The following DGKB variants were observed in gnomAD, a reference collection of about 807,000 sequenced individuals.
The protein encoded by DGKB is diacylglycerol kinase beta.
A neutral mutation model predicts 114.3 loss-of-function variants in DGKB; 67 were observed. That is an observed-to-expected ratio of 0.59 (90% CI 0.48 to 0.72). The LOEUF is 0.72. Among genes scored for constraint, DGKB ranks in the 30% least tolerant of loss-of-function variants. The probability of loss-of-function intolerance (pLI) is 0.00; values close to 1 mark genes in which losing one functional copy is unlikely to be tolerated. For missense variants in DGKB, 907 were observed against 975.2 expected (o/e 0.93, Z 0.93); for synonymous variants, 398 against 323.1 (o/e 1.23, Z -2.49).
At chr7:14,592,706 C>A (rs1801903649) in intron 17 of DGKB, among the ~76,000 whole-genome samples, 1 of 151,286 alleles carries the variant, frequency 6.6e-6, no homozygotes, top group African/African-American at 2.4e-5. Context: ...TATTTATGCT[C>A]CCTAAAGTTT....
chr7:14,447,543 T>G (rs958964263), intron 21 of DGKB, among the ~76,000 whole-genome samples: 5 of 152,146 alleles, frequency 3.3e-5, no homozygotes, highest in African/African-American at 1.2e-4. Flanking sequence ...AGATATTTAT[T>G]TTTAAGTTAG....
chr7:14,749,767 A>G (rs557700429), intron 4 of DGKB, among the ~76,000 whole-genome samples: 53 of 152,316 alleles, frequency 3.5e-4, no homozygotes, highest in Non-Finnish European at 6.5e-4. Flanking sequence ...CTTGAAAAAT[A>G]AAACCCAATA....
intron 20 of DGKB, among the ~76,000 whole-genome samples, chr7:14,551,951 G>C (rs1795162933): frequency 6.6e-6 from 1 of 151,858 alleles, no homozygotes; most frequent in South Asian, 2.1e-4. Context: ...TTGTGGATTT[G>C]GTTTATTAAG....
chr7:14,481,954 A>G (rs995811764), intron 20 of DGKB, among the ~76,000 whole-genome samples: 1 of 152,132 alleles, frequency 6.6e-6, no homozygotes, highest in East Asian at 1.9e-4. Flanking sequence ...AATAACAACA[A>G]TCTTTTCCTA....
At chr7:14,757,917 A>T (rs559015986) in intron 2 of DGKB, among the ~76,000 whole-genome samples, 186 bp from the exon 3 acceptor site, 4 of 152,288 alleles carry the variant, frequency 2.6e-5, no homozygotes, top group Non-Finnish European at 5.9e-5. Flanking sequence ...ATTGCAAAGG[A>T]GCAAAAAGAT....
At chr7:14,345,429 C>T (rs1812321726) in intron 21 of DGKB, 38 bp from the exon 22 acceptor site, 1 of 1,088,394 alleles carries the variant, frequency 9.2e-7, no homozygotes, top group South Asian at 1.4e-5. Context: ...AGGCAATTAT[C>T]AATAACAGAG....
chr7:14,850,785 C>T (rs1291780331), intron 1 of DGKB, among the ~76,000 whole-genome samples: 2 of 152,152 alleles, frequency 1.3e-5, no homozygotes, highest in African/African-American at 4.8e-5. Context: ...AGAGCTACAA[C>T]AATCAGCTTC....
At chr7:14,592,758 C>G (rs941375337) in intron 17 of DGKB, among the ~76,000 whole-genome samples, 3 of 151,540 alleles carry the variant, frequency 2.0e-5, no homozygotes, top group Admixed American at 1.3e-4. Context: ...AAGGTTATTT[C>G]ATGTTTTTCT....
intron 12 of DGKB, among the ~76,000 whole-genome samples, chr7:14,678,975 C>T (rs928903104): frequency 6.6e-6 from 1 of 151,828 alleles, no homozygotes. Flanking sequence ...ATGACAATAC[C>T]AGGTCTGATA....
intron 23 of DGKB, among the ~76,000 whole-genome samples, chr7:14,226,763 G>A (rs1317798115): frequency 6.6e-6 from 1 of 151,910 alleles, no homozygotes; most frequent in Non-Finnish European, 1.5e-5. Flanking sequence ...TACATGAAAT[G>A]AATCAATTAT....
intron 16 of DGKB, among the ~76,000 whole-genome samples, chr7:14,611,489 G>C (rs942285025): frequency 1.3e-5 from 2 of 152,046 alleles, no homozygotes; most frequent in Non-Finnish European, 2.9e-5. Flanking sequence ...ACACTGAACG[G>C]GATCACCTTG....
intron 3 of DGKB, among the ~76,000 whole-genome samples, chr7:14,754,776 A>C (rs1834627723): frequency 6.6e-6 from 1 of 151,686 alleles, no homozygotes; most frequent in South Asian, 2.1e-4. Context: ...GGCTAATAAG[A>C]CTCTCTCCCC....
chr7:14,490,283 AT>A (rs1784421663), intron 20 of DGKB, among the ~76,000 whole-genome samples: 1 of 152,192 alleles, frequency 6.6e-6, no homozygotes, highest in African/African-American at 2.4e-5. Context: ...TAGCTTATGA[AT>A]TCCAAAGAGA....
At chr7:14,760,134 G>C (rs1835472495) in intron 2 of DGKB, among the ~76,000 whole-genome samples, 1 of 151,984 alleles carries the variant, frequency 6.6e-6, no homozygotes, top group African/African-American at 2.4e-5. Flanking sequence ...CATCCTCTGG[G>C]GGGTGTGTGT....
chr7:14,245,179 C>G (rs74912076), intron 23 of DGKB, among the ~76,000 whole-genome samples: 248 of 152,126 alleles, frequency 1.6e-3, no homozygotes, highest in East Asian at 0.013. Flanking sequence ...CACACACACA[C>G]ACACACGCAC....
At position 14,587,448 on chromosome 7, in the gene DGKB, T is replaced by C. The variant is rs143500269; in HGVS notation, c.1434-4311A>G. Among the ~76,000 whole-genome samples, 603 of 152,226 alleles carry C rather than the reference T, an allele frequency of 4.0e-3. 6 individuals are homozygous for C. The highest frequency in any genetic ancestry group is 0.014 in the African/African-American group (567 of 41,566). On this transcript the variant is annotated intron_variant, in intron 17 of 25. Transcript: ENST00000402815. ...CTCCTAGTAAAGATGCTGTGAACACTGTCGAAATGGTAACAAAGGATTTAG... is the reference window on the plus strand; with the variant it reads ...CTCCTAGTAAAGATGCTGTGAACACCGTCGAAATGGTAACAAAGGATTTAG...
chr7:14,645,978 C>A (rs1399683270), intron 13 of DGKB, among the ~76,000 whole-genome samples: 2 of 152,062 alleles, frequency 1.3e-5, no homozygotes, highest in Non-Finnish European at 2.9e-5. Context: ...AAAACAAATA[C>A]AAAACAATCA....
intron 23 of DGKB, among the ~76,000 whole-genome samples, chr7:14,245,859 T>A (rs2128378028): frequency 6.6e-6 from 1 of 151,994 alleles, no homozygotes; most frequent in South Asian, 2.1e-4. Context: ...ACCCATGAGG[T>A]GGAGGTTGCA....
At chr7:14,697,043 TA>T (rs1165298036) in intron 8 of DGKB, among the ~76,000 whole-genome samples, 1 of 152,246 alleles carries the variant, frequency 6.6e-6, no homozygotes, top group African/African-American at 2.4e-5. Context: ...CTAAAGGTTT[TA>T]AAAATAATAT....
Sources: allele counts gnomAD v4.1 joint callset (sites outside exome capture counted in the v4.1 genomes callset), GRCh38; gene constraint gnomAD v4.1.1; transcripts MANE v1.5; gene names NCBI Gene and HGNC (gene_info 2026-07-23, HGNC 2026-07-21).